The following VPS53 variants were observed in gnomAD, a reference collection of about 807,000 sequenced individuals.
The protein encoded by VPS53 is VPS53 subunit of GARP complex.
In VPS53, 70 loss-of-function variants were observed where a neutral mutation model predicts 107.0. The observed-to-expected ratio is 0.65, with a 90% CI of 0.54 to 0.80. The LOEUF is 0.80. Among genes scored for constraint, VPS53 ranks in the 30% least tolerant of loss-of-function variants. VPS53 has a pLI of 0.00. For synonymous variants in VPS53, 409 were observed against 393.3 expected (o/e 1.04, Z -0.47); for missense variants, 917 against 1,049.4 (o/e 0.87, Z 1.74).
intron 2 of VPS53, among the ~76,000 whole-genome samples, chr17:702,444 A>G (rs1973238406): frequency 6.6e-6 from 1 of 151,982 alleles, no homozygotes; most frequent in Non-Finnish European, 1.5e-5. Context: ...TGGGCGGATC[A>G]CAAGGTCAGG....
chr17:653,985 C>T (rs929126197), intron 6 of VPS53, among the ~76,000 whole-genome samples: 12 of 151,864 alleles, frequency 7.9e-5, no homozygotes, highest in African/African-American at 1.2e-4. Context: ...CACGAAGTCA[C>T]GAGATCGAGA....
chr17:710,647 T>G, intron 1 of VPS53, 34 bp from the exon 2 acceptor site: 2 of 1,451,016 alleles, frequency 1.4e-6, no homozygotes, highest in South Asian at 1.2e-5. Context: ...TATAAAAACA[T>G]GTAGTATACC....
chr17:641,201 A>C (rs1970413671), intron 7 of VPS53, among the ~76,000 whole-genome samples: 1 of 152,158 alleles, frequency 6.6e-6, no homozygotes, highest in South Asian at 2.1e-4. Context: ...ACTCAGATGA[A>C]AGCAACTATT....
intron 12 of VPS53, among the ~76,000 whole-genome samples, chr17:589,053 AAAT>A (rs1333979822): frequency 2.0e-5 from 3 of 151,990 alleles, no homozygotes; most frequent in East Asian, 1.9e-4. Context: ...TTTATTAATT[AAAT>A]AATAATGATA....
In VPS53 at chr17:551,923, C is replaced by A; in HGVS notation, c.1815G>T (p.Leu605=). 1 of 1,604,294 alleles carries A rather than the reference C, an allele frequency of 6.2e-7. No individual in the cohort carries two copies. The change falls in exon 17 of 22, where the codon CTG becomes CTT. Residue 605 remains leucine (L), a synonymous_variant. Transcript: ENST00000437048. ...STVISSSIQL[L]VQDLDAACDP... ...CACAGGCAGCATCCAGATCCTGAAC[C>A]AGCAGCTGAATACTGCTGGAGATGA... is the stretch of plus-strand genomic sequence containing the variant.
chr17:603,139 C>G (rs1968401539), intron 11 of VPS53, among the ~76,000 whole-genome samples: 1 of 152,130 alleles, frequency 6.6e-6, no homozygotes, highest in Admixed American at 6.6e-5. Flanking sequence ...AAAACTTACA[C>G]AAAGGCCGGG....
intron 4 of VPS53, among the ~76,000 whole-genome samples, chr17:681,127 T>G (rs1354811448): frequency 6.6e-6 from 1 of 151,726 alleles, no homozygotes; most frequent in Non-Finnish European, 1.5e-5. Context: ...GTTGTTTTTT[T>G]GTTTGTTTGT....
intron 19 of VPS53, among the ~76,000 whole-genome samples, chr17:529,038 C>G (rs1597248698): frequency 6.6e-6 from 1 of 152,162 alleles, no homozygotes; most frequent in East Asian, 1.9e-4. Flanking sequence ...CTAATTTCAC[C>G]AAATCCTCTT....
At chr17:655,706 T>C (rs1971161313) in intron 6 of VPS53, 132 bp downstream of exon 6, 1 of 809,708 alleles carries the variant, frequency 1.2e-6, no homozygotes, top group South Asian at 1.9e-5. Context: ...GACTGAACAC[T>C]TGAAGCCAAT....
intron 2 of VPS53, among the ~76,000 whole-genome samples, chr17:707,177 A>C (rs1352864112): frequency 6.6e-6 from 1 of 152,230 alleles, no homozygotes; most frequent in Admixed American, 6.5e-5. Context: ...TGGTACTCAC[A>C]TATGTATATA....
chr17:611,016 A>C (rs2143012969), intron 11 of VPS53, among the ~76,000 whole-genome samples: 1 of 152,126 alleles, frequency 6.6e-6, no homozygotes, highest in East Asian at 1.9e-4. Context: ...AAACAATCCA[A>C]CTAAAAAATG....
At position 509,537 on chromosome 17, in the gene VPS53, C is replaced by A. The variant is rs1729090201; in HGVS notation, c.*9591G>T. The stretch of plus-strand genomic sequence containing the variant: ...TCACATATCAAATCCTGGCTCGCCC[C>A]TCAGTAGCCACATATCAAATCCTGG... On this transcript the variant is annotated 3_prime_UTR_variant, in exon 22 of 22. Coordinates refer to ENST00000437048, the MANE Select transcript of VPS53 (RefSeq NM_001128159.3). The A allele has an allele frequency of 6.2e-6, 1 of 162,156 alleles. No individual in the cohort carries two copies. Among genetic ancestry groups the A allele is most frequent in the African/African-American group, 2.4e-5 (1 of 41,030 alleles). The allele number at this position is 162,156 out of a possible 1,614,324, so 10.0% of individuals were successfully genotyped here.
intron 11 of VPS53, among the ~76,000 whole-genome samples, chr17:620,233 C>T (rs1301146617): frequency 6.6e-6 from 1 of 152,226 alleles, no homozygotes; most frequent in East Asian, 1.9e-4. Context: ...AATTGGGCTG[C>T]TGCCACCACC....
At chr17:560,253 A>C (rs1912807105) in intron 15 of VPS53, among the ~76,000 whole-genome samples, 173 bp downstream of exon 15, 1 of 152,264 alleles carries the variant, frequency 6.6e-6, no homozygotes, top group Non-Finnish European at 1.5e-5. Flanking sequence ...TCTGTAAGAC[A>C]GCTGCCTGGG....
At chr17:546,388 T>G (rs1329561862) in intron 17 of VPS53, among the ~76,000 whole-genome samples, 1 of 130,200 alleles carries the variant, frequency 7.7e-6, no homozygotes, top group Non-Finnish European at 1.6e-5. Context: ...ATATACCAAC[T>G]TCAGAAAATC....
chr17:693,566 A>T (rs576152884), intron 4 of VPS53, among the ~76,000 whole-genome samples: 9 of 152,168 alleles, frequency 5.9e-5, no homozygotes, highest in Admixed American at 1.3e-4. Context: ...TACCAAAAAT[A>T]AAAAATTAAA....
intron 18 of VPS53, among the ~76,000 whole-genome samples, chr17:533,153 C>T (rs1909733936): frequency 6.6e-6 from 1 of 152,228 alleles, no homozygotes; most frequent in Non-Finnish European, 1.5e-5. Flanking sequence ...TGAACTCTAA[C>T]TATTCTCAGC....
rs11463565 is a variant in VPS53 at position 518,766 on chromosome 17, C to CAAA, written c.*359_*361dup. 2.3e-4 allele frequency: 12 copies of CAAA among 52,422 alleles called. No homozygotes were observed. The highest frequency in any genetic ancestry group is 9.5e-4 in the South Asian group (1 of 1,050). 3.2% of individuals were successfully genotyped at this position (52,422 alleles called of 1,614,324 possible). ...TGGGTGACAGAGCGAGACTCTGTCT[C>CAAA]AAAAAAAAAAAAAAAAAAAAAAAAA... On this transcript the variant is annotated 3_prime_UTR_variant, in exon 22 of 22. Coordinates refer to ENST00000437048, the MANE Select transcript of VPS53 (RefSeq NM_001128159.3).
intron 12 of VPS53, among the ~76,000 whole-genome samples, chr17:599,129 G>C (rs1177226152): frequency 7.3e-6 from 1 of 136,662 alleles, no homozygotes; most frequent in Non-Finnish European, 1.6e-5. Flanking sequence ...GAGGGAGGTG[G>C]GGGGGTCAGC....
Sources: allele counts gnomAD v4.1 joint callset (sites outside exome capture counted in the v4.1 genomes callset), GRCh38; gene constraint gnomAD v4.1.1; transcripts MANE v1.5; gene names NCBI Gene and HGNC (gene_info 2026-07-23, HGNC 2026-07-21).